Variants in SEPTIN9 observed in about 807,000 individuals in gnomAD.
SEPTIN9 encodes septin 9.
SEPTIN9 carries 13 observed loss-of-function variants against 56.6 expected under a neutral mutation model. The observed-to-expected ratio is 0.23, with a 90% CI of 0.15 to 0.37. The LOEUF is 0.37. Among genes scored for constraint, SEPTIN9 ranks in the 10% least tolerant of loss-of-function variants. The pLI, the probability that SEPTIN9 is intolerant of heterozygous loss-of-function variation, is 1.00. For missense variants in SEPTIN9, 650 were observed against 823.1 expected, an observed-to-expected ratio of 0.79 and a Z score of 2.57; for synonymous variants, 332 against 334.1, an observed-to-expected ratio of 0.99 and a Z score of 0.07.
rs2033128743 is a variant in SEPTIN9, at chr17:77,326,081, C to T, written c.76+18884C>T. Among the ~76,000 whole-genome samples, 1 of 152,006 alleles carries T rather than the reference C, an allele frequency of 6.6e-6. No individual in the cohort carries two copies. Among genetic ancestry groups the T allele is most frequent in the Non-Finnish European group, 1.5e-5 (1 of 67,994 alleles). Reference sequence around the variant, plus strand: ...TGCCATCCTTATACAGCACCCCACACCCACCTCCCCGCCTCCTACCCCTTC... The same window carrying T: ...TGCCATCCTTATACAGCACCCCACATCCACCTCCCCGCCTCCTACCCCTTC... On this transcript the variant is annotated intron_variant, in intron 2 of 11. Transcript: ENST00000427177. This position sits in a 1 kb window ranked among gnomAD's most constrained non-coding sequence, Gnocchi z 5.1.
chr17:77,485,007 T>C (rs796847955), intron 4 of SEPTIN9, among the ~76,000 whole-genome samples: 4 of 39,784 alleles, frequency 1.0e-4, no homozygotes, highest in Non-Finnish European at 2.0e-4. Context: ...GTGAAGGGGG[T>C]GATGGTGGTG....
rs1466333377 is a variant in SEPTIN9 at position 77,326,719 on chromosome 17, G to A, written c.76+19522G>A. Among the ~76,000 whole-genome samples the A allele has an allele frequency of 6.6e-6, 1 of 152,200 alleles. No individual in the cohort carries two copies. Among genetic ancestry groups the A allele is most frequent in the Admixed American group, 6.5e-5 (1 of 15,284 alleles). ...GATGCTCATGATTGACAGACCAGCTGGCAGCTTCAGGATGGTTCCCAGGGA... is the reference window on the plus strand; with the variant it reads ...GATGCTCATGATTGACAGACCAGCTAGCAGCTTCAGGATGGTTCCCAGGGA... On this transcript the variant is annotated intron_variant, in intron 2 of 11. Coordinates refer to ENST00000427177, the MANE Select transcript of SEPTIN9 (RefSeq NM_001113491.2). This position sits in a 1 kb window ranked among gnomAD's most constrained non-coding sequence, Gnocchi z 5.1.
At chr17:77,301,494 G>A (rs1395382735) in intron 1 of SEPTIN9, among the ~76,000 whole-genome samples, 2 of 151,550 alleles carry the variant, frequency 1.3e-5, no homozygotes, top group African/African-American at 4.9e-5. Context: ...GCACGATCTC[G>A]GCTCACTGCA....
chr17:77,479,032 TG>T (rs1011940217), intron 3 of SEPTIN9, among the ~76,000 whole-genome samples: 1 of 152,134 alleles, frequency 6.6e-6, no homozygotes, highest in Non-Finnish European at 1.5e-5. Flanking sequence ...GGGATGGGGC[TG>T]GGGAGTTGTT....
At chr17:77,474,904 T>A (rs892615356) in intron 3 of SEPTIN9, among the ~76,000 whole-genome samples, 4 of 152,198 alleles carry the variant, frequency 2.6e-5, no homozygotes, top group Middle Eastern at 3.4e-3. Flanking sequence ...CAGTGGCTTA[T>A]GTCTATAATC....
Position 77,331,621 on chromosome 17 carries a change from T to C in SEPTIN9, c.76+24424T>C, listed in dbSNP as rs370794870. Among the ~76,000 whole-genome samples, 100 of 152,316 alleles carry C rather than the reference T, an allele frequency of 6.6e-4. 3 individuals are homozygous for C. In the South Asian group the frequency reaches 0.014, roughly 21 times the overall value. The stretch of plus-strand genomic sequence containing the variant: ...CGCAAGCTCTCGAGAGTCCAGCTCC[T>C]GCGGGGTTTGCATTTTCACTGAATT... On this transcript the variant is annotated intron_variant, in intron 2 of 11. Coordinates refer to ENST00000427177, the MANE Select transcript of SEPTIN9 (RefSeq NM_001113491.2).
chr17:77,338,310 C>T (rs1330701582), intron 2 of SEPTIN9, among the ~76,000 whole-genome samples: 1 of 146,838 alleles, frequency 6.8e-6, no homozygotes, highest in East Asian at 1.9e-4. Context: ...TTCAGCAAGC[C>T]ATAATCTTTT....
intron 2 of SEPTIN9, among the ~76,000 whole-genome samples, chr17:77,312,064 C>T (rs762634459): frequency 4.1e-4 from 62 of 152,192 alleles, no homozygotes; most frequent in Non-Finnish European, 7.8e-4. Context: ...AACTCGCCCT[C>T]TGCATACTGA....
At chr17:77,321,080 T>A (rs184970031) in intron 2 of SEPTIN9, among the ~76,000 whole-genome samples, 1 of 152,320 alleles carries the variant, frequency 6.6e-6, no homozygotes, top group African/African-American at 2.4e-5. Context: ...GTGGCTGCCA[T>A]CTCACGTGGC....
intron 4 of SEPTIN9, among the ~76,000 whole-genome samples, chr17:77,486,491 T>G (rs1007920707): frequency 1.1e-5 from 1 of 92,822 alleles, no homozygotes; most frequent in Admixed American, 9.5e-5. Flanking sequence ...TGGAGGGGTG[T>G]GTGTGTGTGT....
intron 1 of SEPTIN9, among the ~76,000 whole-genome samples, chr17:77,290,433 A>G (rs2031489354): frequency 6.6e-6 from 1 of 151,030 alleles, no homozygotes; most frequent in Non-Finnish European, 1.5e-5. Context: ...AATTTTTTGT[A>G]TTTTTTTAGT....
chr17:77,349,957 C>T (rs996076411), intron 2 of SEPTIN9, among the ~76,000 whole-genome samples: 1 of 152,216 alleles, frequency 6.6e-6, no homozygotes, highest in Admixed American at 6.5e-5. Context: ...CAGGCTCAAC[C>T]TTCCTCATTA....
At chr17:77,477,090 C>T (rs896110918) in intron 3 of SEPTIN9, among the ~76,000 whole-genome samples, 1 of 152,024 alleles carries the variant, frequency 6.6e-6, no homozygotes, top group East Asian at 1.9e-4. Flanking sequence ...TCCTCCCCTC[C>T]CTTTTTTCCT....
At chr17:77,398,676 G>T (rs776455671) in intron 2 of SEPTIN9, among the ~76,000 whole-genome samples, 1 of 152,222 alleles carries the variant, frequency 6.6e-6, no homozygotes, top group Non-Finnish European at 1.5e-5. Flanking sequence ...GGAATGGGGC[G>T]CCTCCTGTTC....
chr17:77,459,741 G>A (rs312840), intron 3 of SEPTIN9, among the ~76,000 whole-genome samples: 2 of 151,740 alleles, frequency 1.3e-5, no homozygotes, highest in African/African-American at 2.4e-5. Flanking sequence ...GAGTCTCGCT[G>A]TGTCAGCCAG....
chr17:77,373,290 C>T lies in SEPTIN9; in HGVS notation c.77-28769C>T. ...ATCCGCCCGGGAGGCGGGGGCGGGG[C>T]GGGGGCGCAGCGCGCGGGGAGGGGC... is the stretch of plus-strand genomic sequence containing the variant. On this transcript the variant is annotated intron_variant, in intron 2 of 11. Coordinates refer to ENST00000427177, the MANE Select transcript of SEPTIN9 (RefSeq NM_001113491.2). 1.2e-6 allele frequency: 1 copy of T among 837,674 alleles called. No homozygotes were observed. The highest frequency in any genetic ancestry group is 5.1e-5 in the East Asian group (1 of 19,782). 51.9% of individuals were successfully genotyped at this position (837,674 alleles called of 1,614,324 possible).
intron 4 of SEPTIN9, among the ~76,000 whole-genome samples, chr17:77,486,475 C>T (rs1351760237): frequency 6.9e-6 from 1 of 144,444 alleles, no homozygotes; most frequent in Non-Finnish European, 1.5e-5. Context: ...AATGGGGCTC[C>T]GAGTCTGGAG....
intron 1 of SEPTIN9, among the ~76,000 whole-genome samples, chr17:77,293,107 C>A (rs1284299488): frequency 6.6e-6 from 1 of 152,046 alleles, no homozygotes. Flanking sequence ...GCCTTGAACT[C>A]CTGAGCTCAA....
intron 3 of SEPTIN9, among the ~76,000 whole-genome samples, chr17:77,426,094 C>T (rs566261788): frequency 1.3e-4 from 20 of 152,246 alleles, no homozygotes; most frequent in Non-Finnish European, 2.4e-4. Flanking sequence ...CAGCCAGGCC[C>T]CCAGGCCTCC....
Sources: gnomAD v4.1 joint callset for allele counts (sites outside exome capture counted in the v4.1 genomes callset) on GRCh38, gnomAD v4.1.1 for gene constraint, Gnocchi (gnomAD v3.1) non-coding constraint, MANE v1.5 for transcripts, NCBI Gene and HGNC (gene_info 2026-07-23, HGNC 2026-07-21) for gene names.